Variants in ARHGAP29 observed in about 807,000 individuals in gnomAD.
ARHGAP29 encodes rho GTPase-activating protein 29.
Under a neutral mutation model 122.6 loss-of-function variants are expected in ARHGAP29, and 43 were observed. The ratio of observed to expected loss-of-function variants is 0.35; its 90% CI spans 0.27 to 0.45. The LOEUF (loss-of-function observed/expected upper bound fraction) is 0.45. Among genes scored for constraint, ARHGAP29 ranks in the 20% least tolerant of loss-of-function variants. The pLI, the probability that ARHGAP29 is intolerant of heterozygous loss-of-function variation, is 1.00. For missense variants in ARHGAP29, 1,303 were observed against 1,477.2 expected (o/e 0.88, Z 1.93); for synonymous variants, 506 against 497.1 (o/e 1.02, Z -0.24).
intron 2 of ARHGAP29, among the ~76,000 whole-genome samples, chr1:94,221,148 C>G (rs961466726): frequency 6.6e-6 from 1 of 152,122 alleles, no homozygotes; most frequent in Non-Finnish European, 1.5e-5. Flanking sequence ...TCATTCAAAC[C>G]AAAATACTTT....
chr1:94,302,282 G>T, the ARHGAP29 span: 3 of 248,020 alleles, frequency 1.2e-5, no homozygotes, highest in Non-Finnish European at 2.4e-5. Flanking sequence ...ATCACACAGG[G>T]TGACGCTGGT....
chr1:94,231,608 T>G lies in ARHGAP29; in HGVS notation c.4A>C (p.Ile2Leu). Residue 2 changes from isoleucine to leucine, a missense_variant, in exon 2 of 23, where the codon ATT becomes CTT. Around this residue, in one of 3 missense-constraint regions of ARHGAP29, gnomAD observed 592 missense variants for 648.2 expected, o/e 0.91. Transcript: ENST00000260526. The part of the protein sequence containing the change: M[I>L]AHKQKKTKKK... The stretch of plus-strand genomic sequence containing the variant: ...TTTGTCTTTTTCTGTTTGTGAGCAA[T>G]CATCCTTTCATGTAACAGTCAGAAA... 2 of 1,612,630 alleles carry G rather than the reference T, an allele frequency of 1.2e-6. No homozygotes were observed. The highest frequency in any genetic ancestry group is 1.7e-6 in the Non-Finnish European group (2 of 1,179,390).
chr1:94,273,430 C>G (rs1655069692), intron 1 of ARHGAP29, among the ~76,000 whole-genome samples: 1 of 152,182 alleles, frequency 6.6e-6, no homozygotes, highest in African/African-American at 2.4e-5. Flanking sequence ...AAATTCTTGG[C>G]TTGGTCTCTT....
chr1:94,241,060 A>G (rs946781649), upstream of ARHGAP29, among the ~76,000 whole-genome samples: 2 of 152,134 alleles, frequency 1.3e-5, no homozygotes, highest in Admixed American at 6.5e-5. Flanking sequence ...TAAACTTCCT[A>G]CATGCATAGG....
the ARHGAP29 span, among the ~76,000 whole-genome samples, chr1:94,309,708 G>A: frequency 2.0e-5 from 3 of 152,108 alleles, no homozygotes; most frequent in African/African-American, 4.8e-5. Flanking sequence ...AATGAGAGGC[G>A]ATAGGTCCCA....
chr1:94,237,577 C>G lies in ARHGAP29; in HGVS notation c.-195G>C, dbSNP rs1005816300. The G allele has an allele frequency of 2.3e-5, 23 of 990,962 alleles. No individual in the cohort carries two copies. In the African/African-American group the frequency reaches 3.5e-4, roughly 15 times the overall value. The allele number at this position is 990,962 out of a possible 1,614,324, so 61.4% of individuals were successfully genotyped here. On this transcript the variant is annotated 5_prime_UTR_variant, in exon 1 of 23. Coordinates refer to ENST00000260526, the MANE Select transcript of ARHGAP29 (RefSeq NM_004815.4). ...GCCGCAGCCACAGCCACAGGCACCA[C>G]CACCACTGCAGCCGCCACCGCCCCT...
chr1:94,214,902 A>T (rs1651860698), intron 3 of ARHGAP29, among the ~76,000 whole-genome samples: 1 of 152,176 alleles, frequency 6.6e-6, no homozygotes, highest in Non-Finnish European at 1.5e-5. Flanking sequence ...CTATACACAC[A>T]TAATCAGCTA....
rs1467093533 is a variant in ARHGAP29, at chr1:94,258,279, T to C, written c.-33+16733A>G. ...TTTGTACATTACAGTAAATGTGCCCTCTAGTCATAGGAGAACTTATGCTCA... is the reference window on the plus strand; with the variant it reads ...TTTGTACATTACAGTAAATGTGCCCCCTAGTCATAGGAGAACTTATGCTCA... On this transcript the variant is annotated intron_variant and NMD_transcript_variant, in intron 1 of 25. Coordinates refer to the ARHGAP29 transcript ENST00000552844. 2.0e-5 allele frequency among the ~76,000 whole-genome samples: 3 copies of C among 152,242 alleles called. No individual in the cohort carries two copies. In the South Asian group the frequency reaches 6.2e-4, roughly 31 times the overall value.
the ARHGAP29 span, among the ~76,000 whole-genome samples, chr1:94,304,198 G>A: frequency 6.6e-6 from 1 of 152,224 alleles, no homozygotes; most frequent in Non-Finnish European, 1.5e-5. Context: ...GGAGTGCAGT[G>A]GCGCCAGCAC....
chr1:94,184,380 T>C, intron 18 of ARHGAP29, 92 bp from the exon 19 acceptor site: 1 of 882,000 alleles, frequency 1.1e-6, no homozygotes, highest in Non-Finnish European at 1.7e-6. Context: ...TTCAATCTTT[T>C]CACTCTATTT....
chr1:94,190,133 T>G, intron 12 of ARHGAP29, 50 bp from the exon 13 acceptor site: 1 of 1,566,666 alleles, frequency 6.4e-7, no homozygotes, highest in Non-Finnish European at 8.7e-7. Flanking sequence ...TACAGAATGC[T>G]ATATAAACAT....
At chr1:94,274,264 A>G (rs918473639) in intron 1 of ARHGAP29, among the ~76,000 whole-genome samples, 2 of 152,208 alleles carry the variant, frequency 1.3e-5, no homozygotes, top group Admixed American at 6.5e-5. Flanking sequence ...AGCAGCCATC[A>G]ATGATAACAT....
At chr1:94,306,470 G>A in the ARHGAP29 span, among the ~76,000 whole-genome samples, 1 of 152,196 alleles carries the variant, frequency 6.6e-6, no homozygotes, top group Non-Finnish European at 1.5e-5. Flanking sequence ...TTAGCAGACT[G>A]TTATATTTCA....
rs1001288189 is a variant in ARHGAP29, at chr1:94,201,960, TTC to T, written c.1144-105_1144-104del. On this transcript the variant is annotated intron_variant, in intron 11 of 22. Transcript: ENST00000260526. The stretch of plus-strand genomic sequence containing the variant: ...TGAAATAACTGAAAATTCTGAAATC[TTC>T]TGTTTTCAAAATAATACTTCTGAAG... 3.5e-6 allele frequency: 4 copies of T among 1,152,056 alleles called. No individual in the cohort carries two copies. The South Asian group carries it at 5.0e-5, about 14-fold the overall frequency. The allele number at this position is 1,152,056 out of a possible 1,614,324, so 71.4% of individuals were successfully genotyped here.
chr1:94,225,371 T>C (rs1003183098), intron 2 of ARHGAP29, among the ~76,000 whole-genome samples: 20 of 152,238 alleles, frequency 1.3e-4, no homozygotes, highest in Middle Eastern at 3.4e-3. Flanking sequence ...TTACCTACCT[T>C]TTAAGGTTGT....
At chr1:94,248,941 T>C (rs1039701325) in intron 1 of ARHGAP29, among the ~76,000 whole-genome samples, 2 of 152,214 alleles carry the variant, frequency 1.3e-5, no homozygotes, top group African/African-American at 4.8e-5. Flanking sequence ...CTCAAACTCC[T>C]GGCCTCAAGG....
intron 12 of ARHGAP29, chr1:94,192,076 C>G (rs1570509848): frequency 6.6e-6 from 1 of 152,210 alleles, no homozygotes; most frequent in African/African-American, 2.4e-5. Flanking sequence ...TAAATCCTTT[C>G]ATGATTCTTT....
chr1:94,186,688 ACT>A, intron 15 of ARHGAP29, 91 bp from the exon 16 acceptor site: 1 of 949,826 alleles, frequency 1.1e-6, no homozygotes, highest in Non-Finnish European at 1.6e-6. Context: ...AACACGTCAT[ACT>A]ATTTTATTAG....
chr1:94,208,616 T>C (rs896566909), intron 5 of ARHGAP29, among the ~76,000 whole-genome samples: 3 of 151,872 alleles, frequency 2.0e-5, no homozygotes, highest in Non-Finnish European at 4.4e-5. Context: ...CCCACCACCA[T>C]GCCCAGCTAA....
Sources: gnomAD v4.1 joint callset for allele counts (sites outside exome capture counted in the v4.1 genomes callset) on GRCh38, gnomAD v4.1.1 for gene constraint, gnomAD v4.1.1 regional missense constraint, MANE v1.5 for transcripts, NCBI Gene and HGNC (gene_info 2026-07-23, HGNC 2026-07-21) for gene names.